CCDC125: variants seen among roughly 807,000 people sequenced by gnomAD.
The protein encoded by CCDC125 is coiled-coil domain-containing protein 125.
CCDC125 carries 43 observed loss-of-function variants against 57.4 expected under a neutral mutation model. The observed-to-expected ratio is 0.75, with a 90% confidence interval of 0.59 to 0.97. The LOEUF is 0.97. CCDC125 is among the 50% of genes least tolerant of loss of function. The pLI is 0.00. For synonymous variants in CCDC125, 187 were observed against 195.2 expected, an observed-to-expected ratio of 0.96 and a Z score of 0.35; for missense variants, 563 against 595.7, an observed-to-expected ratio of 0.95 and a Z score of 0.57.
chr5:69,279,419 A>G (rs1021289233), downstream of CCDC125, among the ~76,000 whole-genome samples: 2 of 151,824 alleles, frequency 1.3e-5, no homozygotes, highest in African/African-American at 2.4e-5. Context: ...GATGGTCTCT[A>G]TCTCCTGACC....
At chr5:69,321,713 T>A (rs1217028868) in intron 1 of CCDC125, among the ~76,000 whole-genome samples, 1 of 152,248 alleles carries the variant, frequency 6.6e-6, no homozygotes, top group Non-Finnish European at 1.5e-5. Flanking sequence ...CATAACTGTA[T>A]AATAAAGCTG....
chr5:69,314,079 GA>G, intron 2 of CCDC125, 33 bp from the exon 3 acceptor site: 1 of 1,409,042 alleles, frequency 7.1e-7, no homozygotes, highest in Non-Finnish European at 1.0e-6. Flanking sequence ...TCTATTAGGG[GA>G]AAAATTTTGA....
At chr5:69,315,988 G>GT (rs1319383372) in intron 2 of CCDC125, among the ~76,000 whole-genome samples, 80 of 148,096 alleles carry the variant, frequency 5.4e-4, no homozygotes, top group Admixed American at 1.2e-3. Context: ...AGTATAGGAA[G>GT]TAAAAAAAAA....
At chr5:69,299,465 T>C (rs185182033) in intron 8 of CCDC125, among the ~76,000 whole-genome samples, 6 of 152,286 alleles carry the variant, frequency 3.9e-5, no homozygotes, top group Admixed American at 3.9e-4. Flanking sequence ...TGCTCCATTA[T>C]TTTTTTGTGA....
intron 8 of CCDC125, among the ~76,000 whole-genome samples, chr5:69,297,306 G>A (rs558637302): frequency 3.8e-4 from 58 of 151,684 alleles, no homozygotes; most frequent in South Asian, 1.0e-3. Flanking sequence ...ATCCCAAAGC[G>A]CTGGGATTAT....
chr5:69,281,828 A>C lies in CCDC125; in HGVS notation c.*901T>G, dbSNP rs1029303106. 6.6e-6 allele frequency: 1 copy of C among 152,068 alleles called. No individual in the cohort carries two copies. Among genetic ancestry groups the C allele is most frequent in the African/African-American group, 2.4e-5 (1 of 41,418 alleles). The allele number at this position is 152,068 out of a possible 1,614,324, so 9.4% of individuals were successfully genotyped here. A position where few individuals can be genotyped will look rare whatever the true frequency, so the allele number is the denominator to read the frequency against. On this transcript the variant is annotated 3_prime_UTR_variant, in exon 12 of 12. Coordinates refer to ENST00000396496, the MANE Select transcript of CCDC125 (RefSeq NM_176816.5). Reference sequence around the variant, plus strand: ...CTATAGTCAATCAAAATAGTTAAATAATTTTTTGTTTTTCCCAAAAATCAT... The same window carrying C: ...CTATAGTCAATCAAAATAGTTAAATCATTTTTTGTTTTTCCCAAAAATCAT...
chr5:69,285,742 A>G (rs1753234708), intron 10 of CCDC125, among the ~76,000 whole-genome samples: 2 of 152,192 alleles, frequency 1.3e-5, no homozygotes, highest in Non-Finnish European at 2.9e-5. Flanking sequence ...AGTCTTCAAG[A>G]GCAGCCAGAA....
Position 69,292,351 on chromosome 5 carries a change from C to A in CCDC125, c.936G>T (p.Leu312Phe). ...CGTAAGCTTCTTCTTTACTCTTCTG[C>A]AAAATTTCCAACTGATTTTGAAAGA... Reference protein sequence around the residue: ...LLQLKQELEILQKSKEEAYVM... With the variant: ...LLQLKQELEIFQKSKEEAYVM... The change falls in exon 10 of 12, where the codon TTG (leucine) becomes TTT (phenylalanine). Residue 312 changes from leucine to phenylalanine, a missense_variant. Physicochemically the swap from Leu to Phe is conservative, Grantham distance 22. Coordinates refer to ENST00000396496, the MANE Select transcript of CCDC125 (RefSeq NM_176816.5). The A allele has an allele frequency of 6.2e-7, 1 of 1,611,184 alleles. No individual in the cohort carries two copies.
chr5:69,315,822 T>C (rs1324913295), intron 2 of CCDC125, among the ~76,000 whole-genome samples: 1 of 148,102 alleles, frequency 6.8e-6, no homozygotes, highest in Non-Finnish European at 1.5e-5. Context: ...CCAAAAAGAA[T>C]GACTAGAAGA....
intron 1 of CCDC125, 147 bp from the exon 2 acceptor site, chr5:69,320,727 G>A (rs1029407277): frequency 1.0e-5 from 6 of 600,124 alleles, no homozygotes; most frequent in Non-Finnish European, 1.5e-5. Flanking sequence ...CAATAGCCAA[G>A]ATATGGAATC....
intron 11 of CCDC125, among the ~76,000 whole-genome samples, chr5:69,283,550 C>CTCTGT (rs1752805877): frequency 6.6e-6 from 1 of 150,526 alleles, no homozygotes; most frequent in African/African-American, 2.4e-5. Context: ...CAGGGTCTGG[C>CTCTGT]TCTGTTGCCC....
intron 3 of CCDC125, chr5:69,313,607 G>A: frequency 2.7e-6 from 2 of 731,962 alleles, no homozygotes; most frequent in East Asian, 2.5e-5. Context: ...TGGTCTCATA[G>A]GTTGCGTCAT....
chr5:69,294,518 C>G (rs4484386), intron 9 of CCDC125, among the ~76,000 whole-genome samples: 2,101 of 152,304 alleles, frequency 0.014, 24 homozygotes, highest in Non-Finnish European at 0.022. Flanking sequence ...GTCTTAAACT[C>G]CTGACCTCAG....
At position 69,282,769 on chromosome 5, in the gene CCDC125, A is replaced by C. The variant is rs1236054773; in HGVS notation, c.1496T>G (p.Leu499Arg). 2 of 1,603,778 alleles carry C rather than the reference A, an allele frequency of 1.2e-6. No homozygotes were observed. The highest frequency in any genetic ancestry group is 2.3e-5 in the South Asian group (2 of 87,658). ...HSQIDPNYRTLKRSHSLPSSI... is the reference protein window; with the variant it reads ...HSQIDPNYRTRKRSHSLPSSI... The stretch of plus-strand genomic sequence containing the variant: ...TGATGGCAAAGAATGGGATCTTTTA[A>C]GAGTTCTATAGTTTGGATCTATTTG... The change falls in exon 12 of 12, where the codon CTT becomes CGT. Residue 499 changes from leucine to arginine, a missense_variant. Leu to Arg is a moderately radical substitution (Grantham distance 102, BLOSUM62 -2). Transcript: ENST00000396496.
At chr5:69,293,806 A>G (rs1370331834) in intron 9 of CCDC125, among the ~76,000 whole-genome samples, 1 of 152,190 alleles carries the variant, frequency 6.6e-6, no homozygotes. Flanking sequence ...TTTAAATTCC[A>G]TACCTTCAAT....
chr5:69,290,633 T>C (rs1370980129), intron 10 of CCDC125, among the ~76,000 whole-genome samples: 2 of 146,084 alleles, frequency 1.4e-5, no homozygotes, highest in East Asian at 2.0e-4. Context: ...TTTTTTCTTT[T>C]TTTTTTTTTT....
chr5:69,289,515 G>T (rs1754051983), intron 10 of CCDC125, among the ~76,000 whole-genome samples: 1 of 152,142 alleles, frequency 6.6e-6, no homozygotes, highest in East Asian at 1.9e-4. Flanking sequence ...TTTATGAAGA[G>T]TTTATTATAG....
intron 1 of CCDC125, among the ~76,000 whole-genome samples, chr5:69,321,604 C>T (rs561475961): frequency 2.0e-5 from 3 of 152,248 alleles, no homozygotes; most frequent in East Asian, 1.9e-4. Flanking sequence ...TGTATGTAAA[C>T]ATACCTAAAC....
downstream of CCDC125, chr5:69,277,191 T>C: frequency 7.6e-7 from 1 of 1,321,744 alleles, no homozygotes; most frequent in South Asian, 1.4e-5. Flanking sequence ...AGGCAAATAA[T>C]GGAAAAATAG....
Sources: allele counts gnomAD v4.1 joint callset (sites outside exome capture counted in the v4.1 genomes callset), GRCh38; gene constraint gnomAD v4.1.1; transcripts MANE v1.5; gene names NCBI Gene and HGNC (gene_info 2026-07-23, HGNC 2026-07-21).